The following NELL2 variants were observed in gnomAD, a reference collection of about 807,000 sequenced individuals.
NELL2 encodes the protein protein kinase C-binding protein NELL2.
Under a neutral mutation model 109.6 loss-of-function variants are expected in NELL2, and 41 were observed. That is an observed-to-expected ratio of 0.37 (90% CI 0.29 to 0.49). The LOEUF (loss-of-function observed/expected upper bound fraction) is 0.49. Among genes scored for constraint, NELL2 ranks in the 20% least tolerant of loss-of-function variants. NELL2 has a pLI of 0.98. For missense variants in NELL2, 900 were observed against 1,008.3 expected, an observed-to-expected ratio of 0.89 and a Z score of 1.45; for synonymous variants, 355 against 344.7, an observed-to-expected ratio of 1.03 and a Z score of -0.33.
chr12:44,732,054 A>C (rs1055337263), intron 9 of NELL2, among the ~76,000 whole-genome samples: 2 of 152,026 alleles, frequency 1.3e-5, no homozygotes, highest in African/African-American at 2.4e-5. Context: ...AAACTATGAA[A>C]CTGCTGAAAG....
chr12:44,526,964 C>T (rs769052391), intron 16 of NELL2, among the ~76,000 whole-genome samples: 2 of 152,150 alleles, frequency 1.3e-5, no homozygotes, highest in Non-Finnish European at 2.9e-5. Flanking sequence ...CTTCGTAGTA[C>T]GGTATTTAGA....
chr12:44,747,941 C>G (rs1368555353), intron 9 of NELL2, among the ~76,000 whole-genome samples: 1 of 152,150 alleles, frequency 6.6e-6, no homozygotes, highest in Non-Finnish European at 1.5e-5. Context: ...ATTTGACTAA[C>G]CAAACTCGTA....
At chr12:44,696,483 T>C (rs1007611306) in intron 12 of NELL2, among the ~76,000 whole-genome samples, 15 of 152,310 alleles carry the variant, frequency 9.8e-5, no homozygotes, top group African/African-American at 3.4e-4. Flanking sequence ...CTTCTAATAG[T>C]TGAGGTCCTT....
At chr12:44,883,623 A>G (rs954729392) in intron 1 of NELL2, among the ~76,000 whole-genome samples, 1 of 152,094 alleles carries the variant, frequency 6.6e-6, no homozygotes, top group Non-Finnish European at 1.5e-5. Flanking sequence ...TTTTTAAATT[A>G]TCTAATGGAG....
At chr12:44,749,682 C>T (rs551856098) in intron 9 of NELL2, among the ~76,000 whole-genome samples, 1 of 152,062 alleles carries the variant, frequency 6.6e-6, no homozygotes, top group Admixed American at 6.6e-5. Context: ...GAAGTGAAGT[C>T]CCCCTCGGAG....
intron 15 of NELL2, among the ~76,000 whole-genome samples, chr12:44,585,975 C>G (rs80101659): frequency 6.7e-6 from 1 of 150,186 alleles, no homozygotes; most frequent in Non-Finnish European, 1.5e-5. Flanking sequence ...ATTTATGTAC[C>G]CATGCAAAAT....
chr12:44,742,668 T>C (rs554984662), intron 9 of NELL2, among the ~76,000 whole-genome samples: 9 of 152,272 alleles, frequency 5.9e-5, no homozygotes, highest in East Asian at 1.9e-4. Context: ...GAAGCCTCAG[T>C]AGCCGATGCG....
intron 10 of NELL2, among the ~76,000 whole-genome samples, chr12:44,713,956 C>G (rs1938349819): frequency 6.6e-6 from 1 of 151,678 alleles, no homozygotes. Context: ...AAATGAAACC[C>G]TAAAGCAGAA....
chr12:44,510,811 C>T (rs140878453), intron 19 of NELL2, among the ~76,000 whole-genome samples: 1 of 152,184 alleles, frequency 6.6e-6, no homozygotes, highest in East Asian at 1.9e-4. Flanking sequence ...TCCAAGATGC[C>T]CCAGGCTGGA....
intron 3 of NELL2, among the ~76,000 whole-genome samples, chr12:44,810,069 T>C (rs1431576752): frequency 6.6e-6 from 1 of 152,076 alleles, no homozygotes. Context: ...ATATAGCAAT[T>C]TGAACATTCT....
chr12:44,765,665 A>G (rs1302771978), intron 9 of NELL2, among the ~76,000 whole-genome samples: 3 of 152,244 alleles, frequency 2.0e-5, no homozygotes. Flanking sequence ...ACATTCCTAA[A>G]TTGGAAGAAG....
At chr12:44,727,406 A>G (rs937636253) in intron 9 of NELL2, among the ~76,000 whole-genome samples, 4 of 152,080 alleles carry the variant, frequency 2.6e-5, no homozygotes, top group African/African-American at 9.7e-5. Flanking sequence ...ACAGGTTGCT[A>G]TAAGAATCAG....
intron 5 of NELL2, among the ~76,000 whole-genome samples, chr12:44,777,515 C>T (rs1358739001): frequency 5.9e-5 from 9 of 152,102 alleles, no homozygotes; most frequent in Admixed American, 5.9e-4. Flanking sequence ...CCCATGTATT[C>T]TCTTATTGAT....
At chr12:44,765,743 G>C (rs1732838671) in intron 9 of NELL2, among the ~76,000 whole-genome samples, 1 of 152,114 alleles carries the variant, frequency 6.6e-6, no homozygotes, top group African/African-American at 2.4e-5. Context: ...TTTTTTTATA[G>C]TTAAATATTT....
intron 3 of NELL2, among the ~76,000 whole-genome samples, chr12:44,797,329 A>T (rs1942659323): frequency 6.6e-6 from 1 of 152,162 alleles, no homozygotes; most frequent in African/African-American, 2.4e-5. Flanking sequence ...ATATCATAAA[A>T]GCATACTGTT....
At chr12:44,789,291 T>A (rs1011199772) in intron 3 of NELL2, among the ~76,000 whole-genome samples, 9 of 152,166 alleles carry the variant, frequency 5.9e-5, no homozygotes, top group African/African-American at 2.2e-4. Context: ...ACGATTCACA[T>A]CACAGGACTC....
At chr12:44,729,317 T>C (rs1939241179) in intron 9 of NELL2, among the ~76,000 whole-genome samples, 1 of 151,974 alleles carries the variant, frequency 6.6e-6, no homozygotes, top group Non-Finnish European at 1.5e-5. Context: ...GTCAGCCCCA[T>C]GGTAACAACA....
chr12:44,889,079 C>T (rs1483266964), intron 1 of NELL2, among the ~76,000 whole-genome samples: 1 of 151,938 alleles, frequency 6.6e-6, no homozygotes, highest in African/African-American at 2.4e-5. Flanking sequence ...ACATGAATGC[C>T]AGTTCTTCCT....
In NELL2 at chr12:44,520,226, C is replaced by G. The variant is rs758631409; in HGVS notation, c.2179G>C (p.Gly727Arg). Reference protein sequence around the residue: ...QNCQQCRCLQGEVDCWPLPCP... With the variant: ...QNCQQCRCLQREVDCWPLPCP... ...GGCAGGGGCCAACAATCAACTTCCCCTTGCTACAAGGAAAGCAGATGTGCA... is the reference window on the plus strand; with the variant it reads ...GGCAGGGGCCAACAATCAACTTCCCGTTGCTACAAGGAAAGCAGATGTGCA... The change falls in exon 19 of 20, where the codon GGG (glycine) becomes CGG (arginine). Residue 727 changes from glycine (G) to arginine (R), a missense_variant. This residue lies in a region of NELL2 where 333 missense variants were observed against 432.3 expected (regional missense o/e 0.77). Transcript: ENST00000429094. 6.2e-7 allele frequency: 1 copy of G among 1,608,688 alleles called. No individual in the cohort carries two copies. Among genetic ancestry groups the G allele is most frequent in the South Asian group, 1.1e-5 (1 of 90,326 alleles).
Sources: gnomAD v4.1 joint callset for allele counts (sites outside exome capture counted in the v4.1 genomes callset) on GRCh38, gnomAD v4.1.1 for gene constraint, gnomAD v4.1.1 regional missense constraint, MANE v1.5 for transcripts, NCBI Gene and HGNC (gene_info 2026-07-23, HGNC 2026-07-21) for gene names.